WNT8B: variants seen among roughly 807,000 people sequenced by gnomAD.
The protein encoded by WNT8B is Wnt family member 8B.
WNT8B carries 24 observed loss-of-function variants against 36.6 expected under a neutral mutation model. The observed-to-expected ratio is 0.66, with a 90% CI of 0.48 to 0.92. The LOEUF (loss-of-function observed/expected upper bound fraction) is 0.92, where lower values mean the gene tolerates loss of function less well. Ranked by LOEUF, WNT8B falls within the 40% of genes least tolerant of loss-of-function variation. The pLI, the probability that WNT8B is intolerant of heterozygous loss-of-function variation, is 0.00. For missense variants in WNT8B, 402 were observed against 470.8 expected (o/e 0.85, Z 1.35); for synonymous variants, 199 against 189.8 (o/e 1.05, Z -0.40).
chr10:100,470,196 G>A (rs1025177881), intron 1 of WNT8B, among the ~76,000 whole-genome samples: 9 of 151,930 alleles, frequency 5.9e-5, no homozygotes, highest in African/African-American at 2.2e-4. Flanking sequence ...TACAATCTTG[G>A]CTCACTGCAG....
intron 1 of WNT8B, among the ~76,000 whole-genome samples, chr10:100,464,755 T>C (rs1850892560): frequency 6.6e-6 from 1 of 152,204 alleles, no homozygotes; most frequent in South Asian, 2.1e-4. Context: ...TTGCCTGACT[T>C]TGAGGAGAAA....
chr10:100,467,559 T>C (rs1850920230), intron 1 of WNT8B, among the ~76,000 whole-genome samples: 1 of 152,154 alleles, frequency 6.6e-6, no homozygotes, highest in African/African-American at 2.4e-5. Context: ...ATCTCAGTCC[T>C]TTTTCTGTAG....
At chr10:100,476,139 AAAAAAAAAATC>A (rs979229651) in intron 1 of WNT8B, among the ~76,000 whole-genome samples, 1 of 151,970 alleles carries the variant, frequency 6.6e-6, no homozygotes, top group Non-Finnish European at 1.5e-5. Flanking sequence ...AAAATACAAA[AAAAAAAAAATC>A]AAAAAAAAAT....
intron 1 of WNT8B, among the ~76,000 whole-genome samples, chr10:100,468,407 G>A (rs1850935083): frequency 6.6e-6 from 1 of 152,176 alleles, no homozygotes; most frequent in Non-Finnish European, 1.5e-5. Flanking sequence ...AGGGACCAAG[G>A]CAACAAGATC....
chr10:100,463,805 T>G (rs1484114930), intron 1 of WNT8B, among the ~76,000 whole-genome samples: 1 of 152,030 alleles, frequency 6.6e-6, no homozygotes, highest in Non-Finnish European at 1.5e-5. Context: ...TCTCGAGAAA[T>G]TTATTTAATT....
intron 1 of WNT8B, among the ~76,000 whole-genome samples, chr10:100,469,630 A>C (rs1850952127): frequency 6.6e-6 from 1 of 152,252 alleles, no homozygotes; most frequent in Admixed American, 6.5e-5. Flanking sequence ...CAGATAAGGT[A>C]GTGAAGAAAA....
chr10:100,473,715 CAGG>C (rs1015332713), intron 1 of WNT8B, among the ~76,000 whole-genome samples: 1 of 152,178 alleles, frequency 6.6e-6, no homozygotes, highest in Non-Finnish European at 1.5e-5. Flanking sequence ...TGCTTGAGGT[CAGG>C]AGTTTGAGAC....
chr10:100,482,735 C>G lies in WNT8B; in HGVS notation c.975C>G (p.Arg325=). The G allele has an allele frequency of 6.2e-7, 1 of 1,606,056 alleles. No homozygotes were observed. Among genetic ancestry groups the G allele is most frequent in the Non-Finnish European group, 8.5e-7 (1 of 1,176,568 alleles). Residue 325 remains arginine (R), a synonymous_variant, in exon 6 of 6, where the codon CGC becomes CGG. Coordinates refer to ENST00000343737, the MANE Select transcript of WNT8B (RefSeq NM_003393.4). This position sits in a 1 kb window ranked among gnomAD's most constrained non-coding sequence, Gnocchi z 6.6. ...GCGCAGTCCGCTGCGAGCAGTGCCGCCGGAGGGTCACCAAGTACTTCTGTA... is the reference window on the plus strand; with the variant it reads ...GCGCAGTCCGCTGCGAGCAGTGCCGGCGGAGGGTCACCAAGTACTTCTGTA... The part of the protein sequence containing the change: ...WCCAVRCEQC[R]RRVTKYFCSR...
At position 100,481,933 on chromosome 10, in the gene WNT8B, G is replaced by C; in HGVS notation, c.389G>C (p.Gly130Ala). Reference protein sequence around the residue: ...GQLGGQGWLWGGCSDNVGFGE... With the variant: ...GQLGGQGWLWAGCSDNVGFGE... ...CCAGGGGGACAAGGCTGGCTGTGGGGAGGCTGCAGTGACAATGTGGGCTTC... is the reference window on the plus strand; with the variant it reads ...CCAGGGGGACAAGGCTGGCTGTGGGCAGGCTGCAGTGACAATGTGGGCTTC... Residue 130 changes from glycine to alanine, a missense_variant, in exon 5 of 6, where the codon GGA becomes GCA. Gly to Ala is a moderately conservative substitution (Grantham distance 60). Transcript: ENST00000343737. 6.2e-7 allele frequency: 1 copy of C among 1,614,140 alleles called. No homozygotes were observed. The highest frequency in any genetic ancestry group is 8.5e-7 in the Non-Finnish European group (1 of 1,180,036).
intron 1 of WNT8B, among the ~76,000 whole-genome samples, chr10:100,469,743 G>A (rs555735641): frequency 4.5e-4 from 68 of 152,308 alleles, no homozygotes; most frequent in African/African-American, 1.3e-3. Flanking sequence ...GTGTCTGCTC[G>A]TGCACATGTG....
chr10:100,481,740 A>G (rs1851114802), intron 4 of WNT8B, among the ~76,000 whole-genome samples, 172 bp from the exon 5 acceptor site: 1 of 152,172 alleles, frequency 6.6e-6, no homozygotes, highest in Admixed American at 6.5e-5. Flanking sequence ...GTGGGCGTGT[A>G]AAAGTGGCAA....
intron 1 of WNT8B, among the ~76,000 whole-genome samples, chr10:100,476,525 T>G (rs987957509): frequency 6.6e-6 from 1 of 152,204 alleles, no homozygotes; most frequent in African/African-American, 2.4e-5. Context: ...TTGGTCTATT[T>G]CATTTCCAAT....
At chr10:100,473,510 T>C (rs534586469) in intron 1 of WNT8B, among the ~76,000 whole-genome samples, 156 of 152,376 alleles carry the variant, frequency 1.0e-3, no homozygotes, top group Non-Finnish European at 1.1e-3. Context: ...ACATTTGATA[T>C]AGATAGAATC....
intron 1 of WNT8B, among the ~76,000 whole-genome samples, chr10:100,478,714 T>C (rs1851072093): frequency 6.6e-6 from 1 of 152,208 alleles, no homozygotes; most frequent in South Asian, 2.1e-4. Context: ...CCTGAGTAGC[T>C]GGGACTACAG....
rs1298035772 is a variant in WNT8B at position 100,463,197 on chromosome 10, T to G, written c.29T>G (p.Ile10Ser). Residue 10 changes from isoleucine (I) to serine (S), a missense_variant, in exon 1 of 6, where the codon ATC becomes AGC. Coordinates refer to ENST00000343737, the MANE Select transcript of WNT8B (RefSeq NM_003393.4). Reference protein sequence around the residue: MFLSKPSVYICLFTCVLQLS... With the variant: MFLSKPSVYSCLFTCVLQLS... ...TTTCTTTCAAAGCCTTCTGTGTACA[T>G]CTGTCTTTTCACCTGTGTCCTCCAA... 1 of 1,613,938 alleles carries G rather than the reference T, an allele frequency of 6.2e-7. No homozygotes were observed. The highest frequency in any genetic ancestry group is 8.5e-7 in the Non-Finnish European group (1 of 1,179,974).
chr10:100,481,493 A>G (rs1183568817), intron 4 of WNT8B, among the ~76,000 whole-genome samples: 1 of 151,978 alleles, frequency 6.6e-6, no homozygotes, highest in African/African-American at 2.4e-5. Flanking sequence ...CCAATTTCCA[A>G]CATCGTTGTT....
Position 100,480,672 on chromosome 10 carries a change from G to A in WNT8B, c.242-326G>A, listed in dbSNP as rs112099209. ...AGGAGGTGAGAAGAGCAGGGCTAAG[G>A]CCAGGGATGGGGCAGACCATGCAAG... On this transcript the variant is annotated intron_variant, in intron 3 of 5. Transcript: ENST00000343737. 3.5e-3 allele frequency among the ~76,000 whole-genome samples: 540 copies of A among 152,238 alleles called. 2 individuals are homozygous for A. The highest frequency in any genetic ancestry group is 0.012 in the African/African-American group (512 of 41,536).
At chr10:100,475,860 A>G (rs1260926539) in intron 1 of WNT8B, among the ~76,000 whole-genome samples, 2 of 152,192 alleles carry the variant, frequency 1.3e-5, no homozygotes, top group Non-Finnish European at 2.9e-5. Context: ...TTCATGTCCA[A>G]ACCTATAATG....
intron 2 of WNT8B, 139 bp from the exon 3 acceptor site, chr10:100,479,735 T>C (rs779759801): frequency 1.6e-4 from 185 of 1,129,466 alleles, no homozygotes; most frequent in Non-Finnish European, 2.2e-4. Flanking sequence ...ATTTGTGATG[T>C]CAAATGAGAC....
Sources: gnomAD v4.1 joint callset for allele counts (sites outside exome capture counted in the v4.1 genomes callset) on GRCh38, gnomAD v4.1.1 for gene constraint, Gnocchi (gnomAD v3.1) non-coding constraint, MANE v1.5 for transcripts, NCBI Gene and HGNC (gene_info 2026-07-23, HGNC 2026-07-21) for gene names.